ASIC2: variants seen among roughly 807,000 people sequenced by gnomAD.
ASIC2 encodes the protein acid sensing ion channel subunit 2.
Under a neutral mutation model 57.3 loss-of-function variants are expected in ASIC2, and 25 were observed. The observed-to-expected ratio is 0.44, with a 90% CI of 0.32 to 0.61. The LOEUF is 0.61. Ranked by LOEUF, ASIC2 falls within the 20% of genes least tolerant of loss-of-function variation. The probability of loss-of-function intolerance (pLI) is 0.06; values close to 1 mark genes in which losing one functional copy is unlikely to be tolerated. For missense variants in ASIC2, 641 were observed against 738.1 expected, an observed-to-expected ratio of 0.87 and a Z score of 1.52; for synonymous variants, 319 against 307.5, an observed-to-expected ratio of 1.04 and a Z score of -0.39.
intron 1 of ASIC2, among the ~76,000 whole-genome samples, chr17:33,453,150 A>G (rs1353110777): frequency 6.6e-6 from 1 of 152,062 alleles, no homozygotes; most frequent in East Asian, 1.9e-4. Flanking sequence ...CAGTATGTGT[A>G]CATGTTTGTG....
chr17:33,964,772 C>CCT (rs1905028920), intron 1 of ASIC2, among the ~76,000 whole-genome samples: 1 of 152,202 alleles, frequency 6.6e-6, no homozygotes, highest in African/African-American at 2.4e-5. Context: ...TAGAGTGAGA[C>CCT]CTCACTCCAT....
chr17:34,038,022 T>C, intron 1 of ASIC2: 5 of 1,613,420 alleles, frequency 3.1e-6, no homozygotes, highest in Admixed American at 1.7e-5. Flanking sequence ...TACCAATAAG[T>C]ACCAGCACCT....
intron 1 of ASIC2, among the ~76,000 whole-genome samples, chr17:33,927,830 G>T (rs938632004): frequency 5.9e-5 from 9 of 152,092 alleles, no homozygotes; most frequent in Admixed American, 3.9e-4. Context: ...CTACCCCTGA[G>T]AATCAGAAGC....
At chr17:33,738,026 C>T (rs891793148) in intron 1 of ASIC2, among the ~76,000 whole-genome samples, 1 of 152,166 alleles carries the variant, frequency 6.6e-6, no homozygotes, top group Non-Finnish European at 1.5e-5. Flanking sequence ...GATTTAATAG[C>T]TCACTGGTTC....
Position 33,021,409 on chromosome 17 carries a change from G to A in ASIC2, c.1350-99C>T, listed in dbSNP as rs777199270. On this transcript the variant is annotated intron_variant, in intron 6 of 9. Transcript: ENST00000225823. ...CCCATGGAAAGATGGAGAAAAGGAG[G>A]CCCAGGAAGTGAGGCAGCTTGCCCA... 21 of 1,022,814 alleles carry A rather than the reference G, an allele frequency of 2.1e-5. No individual in the cohort carries two copies. In the Middle Eastern group the frequency reaches 8.3e-4, roughly 40 times the overall value. 63.4% of individuals were successfully genotyped at this position (1,022,814 alleles called of 1,614,324 possible). A position where few individuals can be genotyped will look rare whatever the true frequency, so the allele number is the denominator to read the frequency against.
intron 1 of ASIC2, among the ~76,000 whole-genome samples, chr17:33,255,755 T>C (rs1008798169): frequency 6.6e-6 from 1 of 152,216 alleles, no homozygotes; most frequent in Non-Finnish European, 1.5e-5. Flanking sequence ...CTAAGGTGTT[T>C]ATAATTAATA....
At chr17:33,154,597 C>T (rs1904925919) in intron 1 of ASIC2, among the ~76,000 whole-genome samples, 1 of 152,180 alleles carries the variant, frequency 6.6e-6, no homozygotes, top group African/African-American at 2.4e-5. Flanking sequence ...CGGAATGAAA[C>T]CTAGGCCTAC....
intron 1 of ASIC2, among the ~76,000 whole-genome samples, chr17:33,909,294 A>T (rs897414678): frequency 2.6e-5 from 4 of 152,242 alleles, no homozygotes; most frequent in African/African-American, 9.6e-5. Flanking sequence ...ATAGCCCAGA[A>T]CAGCAGGCCT....
chr17:34,054,168 T>C (rs914315424), intron 1 of ASIC2, among the ~76,000 whole-genome samples: 8 of 152,256 alleles, frequency 5.3e-5, no homozygotes, highest in Non-Finnish European at 1.0e-4. Flanking sequence ...AACAGGTACA[T>C]GGATTGATTA....
intron 1 of ASIC2, chr17:33,290,544 G>C (rs538734559): frequency 1.3e-5 from 2 of 152,258 alleles, no homozygotes; most frequent in Non-Finnish European, 2.9e-5. Context: ...CAGCGTGGGG[G>C]AACCGGCACA....
Position 33,397,470 on chromosome 17 carries a change from T to A in ASIC2, c.556-285403A>T, listed in dbSNP as rs1309844254. Among the ~76,000 whole-genome samples the A allele has an allele frequency of 2.6e-5, 4 of 152,074 alleles. No homozygotes were observed. The East Asian group carries it at 7.7e-4, about 29-fold the overall frequency. On this transcript the variant is annotated intron_variant, in intron 1 of 9. Coordinates refer to the ASIC2 transcript ENST00000359872. ...GCAGCAGGTGCTCAGTAAATGACAA[T>A]TGAAGGAAATAATTAGAGGAAATAT... is the stretch of plus-strand genomic sequence containing the variant.
chr17:33,441,741 T>C (rs1218825500), intron 1 of ASIC2, among the ~76,000 whole-genome samples: 1 of 152,028 alleles, frequency 6.6e-6, no homozygotes, highest in Non-Finnish European at 1.5e-5. Context: ...CTTGCAAAGT[T>C]CCCCCCAGTT....
intron 1 of ASIC2, among the ~76,000 whole-genome samples, chr17:33,397,216 C>T (rs978627746): frequency 2.0e-5 from 3 of 152,180 alleles, no homozygotes; most frequent in Non-Finnish European, 4.4e-5. Context: ...AGAGGGGACT[C>T]CCAACCCTAA....
intron 1 of ASIC2, among the ~76,000 whole-genome samples, chr17:33,472,312 C>A (rs910034464): frequency 6.6e-6 from 1 of 151,774 alleles, no homozygotes; most frequent in African/African-American, 2.4e-5. Context: ...GAGCCACTGT[C>A]CCTGACCACA....
At chr17:33,577,428 T>C (rs1397901549) in intron 1 of ASIC2, among the ~76,000 whole-genome samples, 3 of 152,154 alleles carry the variant, frequency 2.0e-5, no homozygotes, top group Non-Finnish European at 4.4e-5. Context: ...CAGGGCAGCC[T>C]GACATGGGAT....
chr17:33,898,220 C>CTTTTTTTTTTT lies in ASIC2; in HGVS notation c.555+257747_555+257757dup, dbSNP rs771624171. On this transcript the variant is annotated intron_variant, in intron 1 of 9. Coordinates refer to the ASIC2 transcript ENST00000359872. ...AAACTGCCCAGAGTTCATGTATAATCTTTTTTTTTTTTTTTTTTTTTTTTT... is the reference window on the plus strand; with the variant it reads ...AAACTGCCCAGAGTTCATGTATAATCTTTTTTTTTTTTTTTTTTTTTTTTTTTTTTTTTTTT... Among the ~76,000 whole-genome samples the CTTTTTTTTTTT allele has an allele frequency of 3.7e-3, 248 of 66,172 alleles. 56 individuals are homozygous for CTTTTTTTTTTT. Among genetic ancestry groups the CTTTTTTTTTTT allele is most frequent in the Admixed American group, 4.2e-3 (17 of 4,020 alleles). The allele number at this position is 66,172 out of a possible 152,430, so 43.4% of individuals were successfully genotyped here.
At chr17:33,044,779 G>A (rs2091945748) in intron 3 of ASIC2, among the ~76,000 whole-genome samples, 1 of 152,224 alleles carries the variant, frequency 6.6e-6, no homozygotes, top group African/African-American at 2.4e-5. Context: ...GAACAGACAT[G>A]CACATAACCA....
At chr17:33,970,373 C>T (rs1905194061) in intron 1 of ASIC2, among the ~76,000 whole-genome samples, 2 of 152,188 alleles carry the variant, frequency 1.3e-5, no homozygotes, top group Non-Finnish European at 2.9e-5. Flanking sequence ...CCACGCTCTC[C>T]TTGGTCTCTG....
chr17:34,011,852 G>T (rs11869731), intron 1 of ASIC2, among the ~76,000 whole-genome samples: 3 of 152,246 alleles, frequency 2.0e-5, no homozygotes, highest in Non-Finnish European at 4.4e-5. Flanking sequence ...CCTTCTCAGT[G>T]TTCAGCAGTT....
Sources: allele counts gnomAD v4.1 joint callset (sites outside exome capture counted in the v4.1 genomes callset), GRCh38; gene constraint gnomAD v4.1.1; transcripts MANE v1.5; gene names NCBI Gene and HGNC (gene_info 2026-07-23, HGNC 2026-07-21).